Variants in C9orf85 observed in about 807,000 individuals in gnomAD.
C9orf85 encodes chromosome 9 open reading frame 85, also known as uncharacterized protein C9orf85.
In C9orf85, 16 loss-of-function variants were observed where a neutral mutation model predicts 14.9. The ratio of observed to expected loss-of-function variants is 1.08; its 90% CI spans 0.73 to 1.63. The LOEUF (loss-of-function observed/expected upper bound fraction) is 1.63. Ranked by LOEUF, C9orf85 falls within the 40% of genes most tolerant of loss-of-function variation. C9orf85 has a pLI of 0.00. For synonymous variants in C9orf85, 45 were observed against 56.8 expected (o/e 0.79, Z 0.93); for missense variants, 172 against 186.1 (o/e 0.92, Z 0.44).
chr9:71,926,907 A>G (rs930573996), intron 1 of C9orf85, among the ~76,000 whole-genome samples: 2 of 152,002 alleles, frequency 1.3e-5, no homozygotes, highest in Non-Finnish European at 2.9e-5. Context: ...TAAGAAAGAA[A>G]TGATAAAAAG....
At chr9:71,943,529 GCTT>G (rs1821997675) in intron 1 of C9orf85, among the ~76,000 whole-genome samples, 1 of 151,658 alleles carries the variant, frequency 6.6e-6, no homozygotes, top group South Asian at 2.1e-4. Flanking sequence ...TTCTCGCCCA[GCTT>G]CTTTTTTTTG....
At chr9:71,971,922 T>C (rs984182695) in intron 3 of C9orf85, among the ~76,000 whole-genome samples, 52 of 141,970 alleles carry the variant, frequency 3.7e-4, no homozygotes, top group African/African-American at 1.3e-3. Context: ...TGCAGTAAGC[T>C]GAGATGGTGC....
intron 2 of C9orf85, among the ~76,000 whole-genome samples, chr9:71,955,336 G>T (rs1345300485): frequency 1.3e-5 from 2 of 152,118 alleles, no homozygotes; most frequent in African/African-American, 2.4e-5. Context: ...AAATTTAACA[G>T]AGTTTAATTG....
At chr9:71,951,393 T>C (rs533259081) in intron 2 of C9orf85, among the ~76,000 whole-genome samples, 86 of 152,332 alleles carry the variant, frequency 5.6e-4, no homozygotes, top group African/African-American at 1.9e-3. Flanking sequence ...GATAAATATC[T>C]CTGACTACTC....
intron 1 of C9orf85, 119 bp from the exon 2 acceptor site, chr9:71,946,887 G>A: frequency 1.8e-6 from 1 of 570,394 alleles, no homozygotes; most frequent in South Asian, 2.7e-5. Flanking sequence ...ATCATAAATT[G>A]TTATGCAGAT....
downstream of C9orf85, among the ~76,000 whole-genome samples, chr9:71,976,477 G>A (rs1482329881): frequency 3.3e-5 from 5 of 152,016 alleles, no homozygotes; most frequent in Admixed American, 1.3e-4. Flanking sequence ...CCTGGCTAAC[G>A]TGGTGAAACC....
intron 2 of C9orf85, among the ~76,000 whole-genome samples, chr9:71,961,515 C>T (rs994070180): frequency 2.6e-5 from 4 of 152,020 alleles, no homozygotes; most frequent in Non-Finnish European, 4.4e-5. Context: ...GAGCTGAGAT[C>T]GCGCCACTGC....
chr9:71,947,207 T>A, intron 2 of C9orf85, 95 bp downstream of exon 2: 1 of 799,110 alleles, frequency 1.3e-6, no homozygotes, highest in Non-Finnish European at 1.9e-6. Context: ...CAAATAAATG[T>A]TAAAGTAAAT....
downstream of C9orf85, chr9:71,983,723 C>T (rs909094758): frequency 6.6e-6 from 1 of 152,178 alleles, no homozygotes; most frequent in Non-Finnish European, 1.5e-5. Context: ...TACATTGCTT[C>T]AGTAGGTAAG....
chr9:71,915,340 C>T (rs1589242237), intron 1 of C9orf85, among the ~76,000 whole-genome samples: 1 of 152,044 alleles, frequency 6.6e-6, no homozygotes, highest in East Asian at 1.9e-4. Flanking sequence ...ACAACCATGC[C>T]TGGCTAATTT....
At chr9:71,984,971 C>G (rs929392156), downstream of C9orf85, 2 of 152,226 alleles carry the variant, frequency 1.3e-5, no homozygotes, top group African/African-American at 4.8e-5. Context: ...ATGATGAAGA[C>G]AGATGCACCC....
intron 2 of C9orf85, among the ~76,000 whole-genome samples, chr9:71,963,504 G>A (rs1041323197): frequency 6.6e-6 from 1 of 152,232 alleles, no homozygotes; most frequent in African/African-American, 2.4e-5. Flanking sequence ...GGCCAAGTCT[G>A]GAGCCAGCTC....
At chr9:71,918,354 A>G (rs1589243932) in intron 1 of C9orf85, 3 of 878,364 alleles carry the variant, frequency 3.4e-6, no homozygotes, top group Non-Finnish European at 4.9e-6. Context: ...ATTCTAACAG[A>G]TATTGAATAT....
chr9:71,942,771 C>A (rs576298139), intron 1 of C9orf85, among the ~76,000 whole-genome samples: 1 of 152,116 alleles, frequency 6.6e-6, no homozygotes, highest in South Asian at 2.1e-4. Context: ...GGCATGGTGG[C>A]GTGTGCCTGT....
intron 3 of C9orf85, among the ~76,000 whole-genome samples, chr9:71,972,213 T>C (rs980286255): frequency 1.2e-4 from 19 of 152,188 alleles, no homozygotes; most frequent in Admixed American, 1.3e-4. Context: ...TTGAGCCTAC[T>C]TTAGTGACAA....
downstream of C9orf85, among the ~76,000 whole-genome samples, chr9:71,973,863 T>G (rs542388022): frequency 4.1e-3 from 622 of 150,478 alleles, 7 homozygotes; most frequent in Middle Eastern, 0.014. Flanking sequence ...TTTTGTTGTT[T>G]TTTTTTTTTA....
chr9:71,923,355 G>A (rs940710847), intron 1 of C9orf85, among the ~76,000 whole-genome samples: 2 of 151,982 alleles, frequency 1.3e-5, no homozygotes, highest in Non-Finnish European at 2.9e-5. Flanking sequence ...TGCAACTTCC[G>A]CCTCCTGGGT....
rs34309232 is a variant in C9orf85 at position 71,948,813 on chromosome 9, G to GC, written c.209+1715dup. Among the ~76,000 whole-genome samples, 53 of 75,842 alleles carry GC rather than the reference G, an allele frequency of 7.0e-4. 1 individual carries two copies. Among genetic ancestry groups the GC allele is most frequent in the Middle Eastern group, 8.5e-3 (1 of 118 alleles). The allele number at this position is 75,842 out of a possible 152,430, so 49.8% of individuals were successfully genotyped here. On this transcript the variant is annotated intron_variant, in intron 2 of 3. Coordinates refer to ENST00000334731, the MANE Select transcript of C9orf85 (RefSeq NM_182505.5). ...TGCTGGGATTACAGGCGTGAGCCAC[G>GC]CCCCCCCCCCCCCCTTTAAATAGTT... is the stretch of plus-strand genomic sequence containing the variant.
chr9:71,911,868 T>C lies in C9orf85; in HGVS notation c.102+32T>C, dbSNP rs76852031. On this transcript the variant is annotated intron_variant, in intron 1 of 3. Coordinates refer to ENST00000334731, the MANE Select transcript of C9orf85 (RefSeq NM_182505.5). ...ACCTGCCTGTTGCACCGTCTTTGACTCCAGGAAGGAATGGCTCACTGGAGA... is the reference window on the plus strand; with the variant it reads ...ACCTGCCTGTTGCACCGTCTTTGACCCCAGGAAGGAATGGCTCACTGGAGA... 879 of 1,590,540 alleles carry C rather than the reference T, an allele frequency of 5.5e-4. 4 individuals are homozygous for C. In the African/African-American group the frequency reaches 0.01, roughly 19 times the overall value.
Sources: allele counts gnomAD v4.1 joint callset (sites outside exome capture counted in the v4.1 genomes callset), GRCh38; gene constraint gnomAD v4.1.1; transcripts MANE v1.5; gene names NCBI Gene and HGNC (gene_info 2026-07-23, HGNC 2026-07-21).